METAP1: variants seen among roughly 807,000 people sequenced by gnomAD.
METAP1 encodes the protein methionyl aminopeptidase 1.
In METAP1, 28 loss-of-function variants were observed where a neutral mutation model predicts 53.8. The observed-to-expected ratio is 0.52, with a 90% CI of 0.39 to 0.71. METAP1 has a LOEUF of 0.71. Ranked by LOEUF, METAP1 falls within the 30% of genes least tolerant of loss-of-function variation. The pLI, the probability that METAP1 is intolerant of heterozygous loss-of-function variation, is 0.00. For missense variants in METAP1, 389 were observed against 479.8 expected (o/e 0.81, Z 1.77); for synonymous variants, 181 against 165.7 (o/e 1.09, Z -0.71).
At chr4:99,032,692 G>C (rs1408623744) in intron 2 of METAP1, among the ~76,000 whole-genome samples, 1 of 152,172 alleles carries the variant, frequency 6.6e-6, no homozygotes, top group African/African-American at 2.4e-5. Flanking sequence ...GGTTTTGGGA[G>C]AAAGTTATTC....
intron 1 of METAP1, among the ~76,000 whole-genome samples, chr4:99,021,548 C>G (rs764232861): frequency 6.6e-6 from 1 of 152,144 alleles, no homozygotes; most frequent in Non-Finnish European, 1.5e-5. Flanking sequence ...GAAATCAACA[C>G]CGAGACAAAG....
chr4:99,022,610 C>T (rs2110310527), intron 1 of METAP1: 1 of 714,020 alleles, frequency 1.4e-6, no homozygotes, highest in East Asian at 2.5e-5. Flanking sequence ...TGAGTGACCT[C>T]CACTCTCAGG....
chr4:99,012,487 C>G (rs1723527022), intron 1 of METAP1, among the ~76,000 whole-genome samples: 1 of 151,792 alleles, frequency 6.6e-6, no homozygotes, highest in African/African-American at 2.4e-5. Flanking sequence ...GTTGGCCAGG[C>G]TAGTCTCGAA....
rs1343710233 is a variant in METAP1, at chr4:98,995,775, G to A, written c.22G>A (p.Val8Met). Residue 8 changes from valine (V) to methionine (M), a missense_variant, in exon 1 of 11, where the codon GTG (valine) becomes ATG (methionine). Coordinates refer to ENST00000296411, the MANE Select transcript of METAP1 (RefSeq NM_015143.3). The stretch of plus-strand genomic sequence containing the variant: ...CAGCATGGCGGCCGTGGAGACGCGG[G>A]TGTGCGAGACAGACGGCTGCAGCAG... MAAVETR[V>M]CETDGCSSEA... 12 of 1,545,044 alleles carry A rather than the reference G, an allele frequency of 7.8e-6. No homozygotes were observed. The Admixed American group carries it at 1.2e-4, about 15-fold the overall frequency.
chr4:99,018,355 C>A (rs773674619), intron 1 of METAP1, among the ~76,000 whole-genome samples: 4 of 152,200 alleles, frequency 2.6e-5, no homozygotes, highest in Non-Finnish European at 5.9e-5. Flanking sequence ...TCTATATCTT[C>A]TCCAGATATA....
intron 7 of METAP1, 138 bp from the exon 8 acceptor site, chr4:99,045,041 A>G (rs558030344): frequency 5.1e-5 from 41 of 797,568 alleles, no homozygotes; most frequent in Admixed American, 3.3e-4. Flanking sequence ...GGCAATAACT[A>G]TCTATCCATT....
intron 2 of METAP1, among the ~76,000 whole-genome samples, chr4:99,033,786 T>A (rs1472393274): frequency 6.6e-6 from 1 of 152,220 alleles, no homozygotes; most frequent in Non-Finnish European, 1.5e-5. Flanking sequence ...TTGGGATTAC[T>A]TGGGATCTGT....
At chr4:99,035,321 A>G (rs1725347257) in intron 3 of METAP1, 79 bp from the exon 4 acceptor site, 3 of 1,009,108 alleles carry the variant, frequency 3.0e-6, no homozygotes, top group Non-Finnish European at 4.5e-6. Context: ...ACTTCTAAAA[A>G]CTTTTGAATG....
At position 99,062,379 on chromosome 4, in the gene METAP1, C is replaced by T. The variant is rs766414066; in HGVS notation, c.*1062C>T. On this transcript the variant is annotated 3_prime_UTR_variant, in exon 11 of 11. Transcript: ENST00000296411. ...CAGCTGTCCTTCGTGTGTGGAAACA[C>T]ACCTCTCCTTTACATAGTTGGGAAC... The T allele has an allele frequency of 6.6e-6, 1 of 152,538 alleles. No homozygotes were observed. The highest frequency in any genetic ancestry group is 1.5e-5 in the Non-Finnish European group (1 of 68,054). The allele number at this position is 152,538 out of a possible 1,614,324, so 9.4% of individuals were successfully genotyped here.
chr4:99,015,495 G>A (rs986084748), intron 1 of METAP1, among the ~76,000 whole-genome samples: 9 of 152,184 alleles, frequency 5.9e-5, no homozygotes, highest in African/African-American at 2.2e-4. Flanking sequence ...ACAATCAGGG[G>A]AAATGCTTCC....
At chr4:99,008,472 T>TC (rs758892436) in intron 1 of METAP1, among the ~76,000 whole-genome samples, 34 of 152,320 alleles carry the variant, frequency 2.2e-4, no homozygotes, top group Admixed American at 2.0e-4. Context: ...AACAGAAGTG[T>TC]GTTAGGTGAA....
intron 1 of METAP1, among the ~76,000 whole-genome samples, chr4:98,996,712 GT>G (rs1350194334): frequency 6.6e-6 from 1 of 152,184 alleles, no homozygotes; most frequent in Non-Finnish European, 1.5e-5. Flanking sequence ...GTGTGCTCGT[GT>G]TTCTGTTTAC....
intron 6 of METAP1, among the ~76,000 whole-genome samples, chr4:99,042,041 A>G (rs986114424): frequency 7.2e-5 from 11 of 151,858 alleles, no homozygotes; most frequent in African/African-American, 2.4e-4. Flanking sequence ...CAACCTCTTG[A>G]GGGTAGGTAC....
At chr4:99,054,728 T>C (rs1726972821) in intron 9 of METAP1, among the ~76,000 whole-genome samples, 1 of 152,140 alleles carries the variant, frequency 6.6e-6, no homozygotes, top group Admixed American at 6.6e-5. Flanking sequence ...AGTTAAACAC[T>C]TAGAGGCCAT....
intron 8 of METAP1, 34 bp downstream of exon 8, chr4:99,045,344 C>CTG (rs1726144768): frequency 1.9e-6 from 3 of 1,608,622 alleles, no homozygotes; most frequent in Non-Finnish European, 2.5e-6. Context: ...ATTGGCAGTC[C>CTG]TGTGTGTTGA....
chr4:99,029,616 T>G (rs1386861262), intron 2 of METAP1, among the ~76,000 whole-genome samples: 1 of 152,166 alleles, frequency 6.6e-6, no homozygotes, highest in African/African-American at 2.4e-5. Flanking sequence ...TCCTGATGGA[T>G]CAAAGCTTGA....
At chr4:99,006,187 G>A (rs1723170575) in intron 1 of METAP1, among the ~76,000 whole-genome samples, 1 of 152,164 alleles carries the variant, frequency 6.6e-6, no homozygotes, top group Non-Finnish European at 1.5e-5. Context: ...AAATTTAAAA[G>A]GGTTTAACTG....
intron 9 of METAP1, among the ~76,000 whole-genome samples, chr4:99,056,387 A>G (rs564070813): frequency 6.6e-6 from 1 of 152,132 alleles, no homozygotes; most frequent in Non-Finnish European, 1.5e-5. Flanking sequence ...AGGTCTGGTC[A>G]CTGTAATTTA....
intron 9 of METAP1, among the ~76,000 whole-genome samples, chr4:99,050,867 CG>C (rs1726643297): frequency 6.6e-6 from 1 of 152,146 alleles, no homozygotes; most frequent in African/African-American, 2.4e-5. Context: ...TCTACAAAAC[CG>C]GTCCCTAGTG....
Sources: allele counts gnomAD v4.1 joint callset (sites outside exome capture counted in the v4.1 genomes callset), GRCh38; gene constraint gnomAD v4.1.1; transcripts MANE v1.5; gene names NCBI Gene and HGNC (gene_info 2026-07-23, HGNC 2026-07-21).